THSD7B: variants seen among roughly 807,000 people sequenced by gnomAD.
THSD7B encodes thrombospondin type-1 domain-containing protein 7B.
In THSD7B, 138 loss-of-function variants were observed where a neutral mutation model predicts 213.6. The ratio of observed to expected loss-of-function variants is 0.65; its 90% CI spans 0.56 to 0.74. THSD7B has a LOEUF of 0.74. Ranked by LOEUF, THSD7B falls within the 30% of genes least tolerant of loss-of-function variation. The probability of loss-of-function intolerance (pLI) is 0.00; values close to 1 mark genes in which losing one functional copy is unlikely to be tolerated. For missense variants in THSD7B, 1,931 were observed against 1,991.5 expected (o/e 0.97, Z 0.58); for synonymous variants, 742 against 687.0 (o/e 1.08, Z -1.25).
rs57887270 is a variant in THSD7B at position 136,906,936 on chromosome 2, G to GTTTTTTTTTTTTTTTTTTTTTT, written c.139+24627_139+24648dup. Reference sequence around the variant, plus strand: ...ATTCATAGATTCCTTACATTTCAAGGTTTTTTTTTTTTTTTTTTTTTTTTT... The same window carrying GTTTTTTTTTTTTTTTTTTTTTT: ...ATTCATAGATTCCTTACATTTCAAGGTTTTTTTTTTTTTTTTTTTTTTTTTTTTTTTTTTTTTTTTTTTTTTT... On this transcript the variant is annotated intron_variant, in intron 2 of 27. Transcript: ENST00000409968. 3.6e-4 allele frequency among the ~76,000 whole-genome samples: 20 copies of GTTTTTTTTTTTTTTTTTTTTTT among 55,130 alleles called. 1 individual carries two copies. The highest frequency in any genetic ancestry group is 1.6e-3 in the African/African-American group (18 of 11,284). The allele number at this position is 55,130 out of a possible 152,430, so 36.2% of individuals were successfully genotyped here.
intron 2 of THSD7B, chr2:136,990,951 A>C: frequency 2.2e-6 from 3 of 1,335,986 alleles, no homozygotes; most frequent in African/African-American, 3.0e-5. Flanking sequence ...AATCAGAAGA[A>C]TCAGATGTGG....
At chr2:137,079,796 G>T (rs1573809838) in intron 3 of THSD7B, among the ~76,000 whole-genome samples, 1 of 152,050 alleles carries the variant, frequency 6.6e-6, no homozygotes, top group Non-Finnish European at 1.5e-5. Context: ...TGTATTAATT[G>T]CTTCCTTTAT....
intron 12 of THSD7B, among the ~76,000 whole-genome samples, chr2:137,286,419 A>G (rs1050364999): frequency 1.3e-5 from 2 of 152,276 alleles, no homozygotes; most frequent in South Asian, 2.1e-4. Context: ...AAGACAGCCA[A>G]TCAGCACGTT....
At chr2:137,283,181 G>T (rs559824694) in intron 12 of THSD7B, among the ~76,000 whole-genome samples, 1 of 152,098 alleles carries the variant, frequency 6.6e-6, no homozygotes, top group South Asian at 2.1e-4. Flanking sequence ...GTGAATGGCA[G>T]TTCACTCATG....
intron 11 of THSD7B, among the ~76,000 whole-genome samples, chr2:137,273,943 G>T (rs146849686): frequency 1.3e-5 from 2 of 152,212 alleles, no homozygotes; most frequent in African/African-American, 4.8e-5. Context: ...ACCCAGGGTT[G>T]TTATAATCAG....
At chr2:137,451,508 A>G (rs888138672) in intron 15 of THSD7B, among the ~76,000 whole-genome samples, 1 of 152,078 alleles carries the variant, frequency 6.6e-6, no homozygotes, top group Non-Finnish European at 1.5e-5. Context: ...CAATCTTGCC[A>G]AATCTTCCAC....
At chr2:136,772,924 A>T (rs1041113660) in intron 1 of THSD7B, among the ~76,000 whole-genome samples, 1 of 152,164 alleles carries the variant, frequency 6.6e-6, no homozygotes. Context: ...ATGTCTTGTA[A>T]CTATTTCTAA....
intron 12 of THSD7B, among the ~76,000 whole-genome samples, chr2:137,384,493 G>A (rs1040820966): frequency 6.6e-6 from 1 of 152,136 alleles, no homozygotes; most frequent in Non-Finnish European, 1.5e-5. Context: ...GGTGAAGGAA[G>A]GGAATAGGAA....
intron 12 of THSD7B, among the ~76,000 whole-genome samples, chr2:137,380,518 A>G (rs1466119060): frequency 2.0e-5 from 3 of 152,196 alleles, no homozygotes; most frequent in Non-Finnish European, 4.4e-5. Flanking sequence ...GATGAATGGA[A>G]GTGACTTTAT....
intron 7 of THSD7B, among the ~76,000 whole-genome samples, chr2:137,222,057 A>G (rs578034136): frequency 3.8e-4 from 58 of 152,358 alleles, no homozygotes; most frequent in African/African-American, 1.4e-3. Flanking sequence ...GAGACATAGT[A>G]TCTTTAACTC....
At position 137,177,595 on chromosome 2, in the gene THSD7B, C is replaced by G. The variant is rs183464520; in HGVS notation, c.1723+6657C>G. On this transcript the variant is annotated intron_variant, in intron 7 of 27. Transcript: ENST00000409968. ...CTGATTCAGTAGGGCTAGAATAGGG[C>G]TCAAGAACTTGTATTTCTGGCAAGT... Among the ~76,000 whole-genome samples, 802 of 152,272 alleles carry G rather than the reference C, an allele frequency of 5.3e-3. 39 individuals carry two copies. Among genetic ancestry groups the G allele is most frequent in the Admixed American group, 0.048 (734 of 15,286 alleles).
Position 136,901,884 on chromosome 2 carries a change from C to G in THSD7B, c.139+19567C>G, listed in dbSNP as rs1379249400. On this transcript the variant is annotated intron_variant, in intron 2 of 27. Transcript: ENST00000409968. ...TTTGTTAGACTCTGAGTTGTTTGCC[C>G]TTGATTGATTTTGAAATAGACAAGC... Among the ~76,000 whole-genome samples, 6 of 152,180 alleles carry G rather than the reference C, an allele frequency of 3.9e-5. No individual in the cohort carries two copies. In the East Asian group the frequency reaches 1.2e-3, roughly 29 times the overall value.
chr2:137,136,047 C>T (rs1012680492), intron 5 of THSD7B, among the ~76,000 whole-genome samples: 6 of 152,174 alleles, frequency 3.9e-5, no homozygotes, highest in Admixed American at 1.3e-4. Context: ...CAAACTGACA[C>T]AAGAACAGGA....
chr2:136,774,732 A>G (rs995541980), intron 1 of THSD7B, among the ~76,000 whole-genome samples: 1 of 152,020 alleles, frequency 6.6e-6, no homozygotes, highest in Admixed American at 6.6e-5. Flanking sequence ...GTGGAGACAG[A>G]CTCTAAGGCT....
chr2:136,827,234 A>C (rs1345357136), intron 1 of THSD7B, among the ~76,000 whole-genome samples: 2 of 152,210 alleles, frequency 1.3e-5, no homozygotes, highest in Non-Finnish European at 2.9e-5. Context: ...CTTGGAGTAC[A>C]TAGCATAATA....
Position 137,298,767 on chromosome 2 carries a change from G to A in THSD7B, c.2500+22741G>A, listed in dbSNP as rs192735392. On this transcript the variant is annotated intron_variant, in intron 12 of 27. Coordinates refer to ENST00000409968, the MANE Select transcript of THSD7B (RefSeq NM_001316349.2). ...AACTTCCACCTGGTGTTGAGCCTGCGGGTGCACAGAAGTCAAGAATTGAGG... is the reference window on the plus strand; with the variant it reads ...AACTTCCACCTGGTGTTGAGCCTGCAGGTGCACAGAAGTCAAGAATTGAGG... 5.3e-3 allele frequency among the ~76,000 whole-genome samples: 812 copies of A among 152,242 alleles called. 7 individuals are homozygous for A. Among genetic ancestry groups the A allele is most frequent in the Middle Eastern group, 0.014 (4 of 294 alleles).
intron 15 of THSD7B, among the ~76,000 whole-genome samples, chr2:137,532,917 G>A (rs1680426451): frequency 6.6e-6 from 1 of 151,128 alleles, no homozygotes; most frequent in African/African-American, 2.4e-5. Context: ...ATACATATAT[G>A]CATAGATATA....
Position 137,676,532 on chromosome 2 carries a change from C to CA in THSD7B, c.4752dup (p.Pro1585ThrfsTer25), listed in dbSNP as rs1205564955. 10 of 1,595,438 alleles carry CA rather than the reference C, an allele frequency of 6.3e-6. No individual in the cohort carries two copies. Among genetic ancestry groups the CA allele is most frequent in the African/African-American group, 4.0e-5 (3 of 74,224 alleles). ...TTTTTTTCCCTTTGCAGCAAGAAGC[C>CA]AAAACCACATCAAAGCACACCTCCC... On this transcript the variant is annotated frameshift_variant, in exon 28 of 28. Transcript: ENST00000409968. LOFTEE classifies it high-confidence loss of function.
At chr2:137,282,642 C>G (rs1482645810) in intron 12 of THSD7B, among the ~76,000 whole-genome samples, 1 of 152,148 alleles carries the variant, frequency 6.6e-6, no homozygotes, top group African/African-American at 2.4e-5. Context: ...GTTTTCCCAG[C>G]ACCATTTATT....
Sources: allele counts gnomAD v4.1 joint callset (sites outside exome capture counted in the v4.1 genomes callset), GRCh38; gene constraint gnomAD v4.1.1; transcripts MANE v1.5; gene names NCBI Gene and HGNC (gene_info 2026-07-23, HGNC 2026-07-21).